Variants in E2F6 observed in about 807,000 individuals in gnomAD.
E2F6 encodes transcription factor E2F6.
A neutral mutation model predicts 31.5 loss-of-function variants in E2F6; 19 were observed. The observed-to-expected ratio is 0.60, with a 90% CI of 0.42 to 0.89. The LOEUF (loss-of-function observed/expected upper bound fraction) is 0.89. Ranked by LOEUF, E2F6 falls within the 40% of genes least tolerant of loss-of-function variation. The pLI, the probability that E2F6 is intolerant of heterozygous loss-of-function variation, is 0.00. For synonymous variants in E2F6, 121 were observed against 127.7 expected, an observed-to-expected ratio of 0.95 and a Z score of 0.36; for missense variants, 269 against 341.6, an observed-to-expected ratio of 0.79 and a Z score of 1.67.
At chr2:11,463,657 A>C (rs967000876) in intron 1 of E2F6, among the ~76,000 whole-genome samples, 1 of 152,114 alleles carries the variant, frequency 6.6e-6, no homozygotes, top group Non-Finnish European at 1.5e-5. Context: ...AACCCTGAAT[A>C]ATACCAACAT....
At chr2:11,455,807 G>A (rs1342546345) in intron 2 of E2F6, among the ~76,000 whole-genome samples, 1 of 152,184 alleles carries the variant, frequency 6.6e-6, no homozygotes, top group Non-Finnish European at 1.5e-5. Context: ...TAAGTGCTAA[G>A]AGAGGTATTC....
Position 11,451,348 on chromosome 2 carries a change from C to T in E2F6, c.536+303G>A, listed in dbSNP as rs938845890. 235 of 105,692 alleles carry T rather than the reference C, an allele frequency of 2.2e-3. 40 individuals are homozygous for T. Among genetic ancestry groups the T allele is most frequent in the Middle Eastern group, 8.8e-3 (2 of 226 alleles). 6.5% of individuals were successfully genotyped at this position (105,692 alleles called of 1,614,324 possible). ...TATACTACTACCAACTTTTACCTAA[C>T]TTTTTTTTTTTTTTTTTTTGAGACG... On this transcript the variant is annotated intron_variant, in intron 4 of 6. Transcript: ENST00000381525.
intron 1 of E2F6, among the ~76,000 whole-genome samples, chr2:11,459,001 T>C (rs1035395566): frequency 6.6e-6 from 1 of 152,034 alleles, no homozygotes; most frequent in Non-Finnish European, 1.5e-5. Flanking sequence ...AGTCAGACAT[T>C]AGACAAGTGT....
intron 6 of E2F6, among the ~76,000 whole-genome samples, chr2:11,446,764 T>C (rs922247977): frequency 1.4e-4 from 21 of 152,204 alleles, no homozygotes; most frequent in Admixed American, 3.3e-4. Context: ...AACCTTCCCT[T>C]ATTAGGGCTT....
intron 2 of E2F6, 72 bp from the exon 3 acceptor site, chr2:11,453,870 T>C: frequency 7.4e-7 from 1 of 1,345,026 alleles, no homozygotes; most frequent in East Asian, 2.5e-5. Flanking sequence ...AAATCATCTG[T>C]TTCCTCTTGA....
At position 11,461,917 on chromosome 2, in the gene E2F6, C is replaced by T. The variant is rs190129549; in HGVS notation, c.108+3855G>A. 5.4e-4 allele frequency among the ~76,000 whole-genome samples: 83 copies of T among 152,308 alleles called. No homozygotes were observed. In the East Asian group the frequency reaches 0.015, roughly 28 times the overall value. Reference sequence around the variant, plus strand: ...TTTTCCCAAAAATATTTGAAAATATCACATATAGCGTCACTAAATTCTTTG... The same window carrying T: ...TTTTCCCAAAAATATTTGAAAATATTACATATAGCGTCACTAAATTCTTTG... On this transcript the variant is annotated intron_variant, in intron 1 of 6. Coordinates refer to ENST00000381525, the MANE Select transcript of E2F6 (RefSeq NM_198256.4).
intron 1 of E2F6, among the ~76,000 whole-genome samples, chr2:11,460,665 T>C (rs1362193888): frequency 6.6e-6 from 1 of 152,184 alleles, no homozygotes; most frequent in African/African-American, 2.4e-5. Flanking sequence ...TTTTGTTGCG[T>C]GAACATCATA....
intron 1 of E2F6, among the ~76,000 whole-genome samples, chr2:11,462,589 C>G (rs1671854605): frequency 6.6e-6 from 1 of 152,114 alleles, no homozygotes; most frequent in Admixed American, 6.5e-5. Context: ...GGAAGCACTA[C>G]TGGAAGCATA....
rs1325945795 is a variant in E2F6 at position 11,444,818 on chromosome 2, C to G, written c.*1659G>C. On this transcript the variant is annotated 3_prime_UTR_variant, in exon 7 of 7. Transcript: ENST00000381525. ...TGCTTTCATCAAGCATGTCCCAAAC[C>G]TAAGTTTTACCCTAGGCTTGCTCCT... is the stretch of plus-strand genomic sequence containing the variant. 6.6e-6 allele frequency: 1 copy of G among 152,282 alleles called. No homozygotes were observed. The highest frequency in any genetic ancestry group is 1.5e-5 in the Non-Finnish European group (1 of 68,104). The allele number at this position is 152,282 out of a possible 1,614,324, so 9.4% of individuals were successfully genotyped here.
intron 4 of E2F6, chr2:11,451,172 A>G (rs781426479): frequency 6.6e-6 from 1 of 152,446 alleles, no homozygotes; most frequent in Non-Finnish European, 1.5e-5. Context: ...TTATCCTTAT[A>G]GTATTCAGAC....
At position 11,451,773 on chromosome 2, in the gene E2F6, G is replaced by T; in HGVS notation, c.414C>A (p.Pro138=). The change falls in exon 4 of 7, where the codon CCC becomes CCA. Residue 138 remains proline (P), a synonymous_variant. Coordinates refer to ENST00000381525, the MANE Select transcript of E2F6 (RefSeq NM_198256.4). ...GTTCCTCCTGTAGCTTCTTTTGTTG[G>T]GGAACTGCTCCAAAATTGCTAAGAT... ...GSDLSNFGAV[P]QQKKLQEELS... 1 of 1,608,762 alleles carries T rather than the reference G, an allele frequency of 6.2e-7. No homozygotes were observed. Among genetic ancestry groups the T allele is most frequent in the Non-Finnish European group, 8.5e-7 (1 of 1,176,902 alleles).
rs903722099 is a variant in E2F6 at position 11,457,288 on chromosome 2, A to G, written c.109-55T>C. 4.6e-6 allele frequency: 5 copies of G among 1,098,734 alleles called. No individual in the cohort carries two copies. In the African/African-American group the frequency reaches 7.8e-5, roughly 17 times the overall value. 68.1% of individuals were successfully genotyped at this position (1,098,734 alleles called of 1,614,324 possible). On this transcript the variant is annotated intron_variant, in intron 1 of 6. Coordinates refer to ENST00000381525, the MANE Select transcript of E2F6 (RefSeq NM_198256.4). ...GTGATTTTAAAACAACAATGCAAAC[A>G]AATAGCATTTTACTCAATAGTATAA... is the stretch of plus-strand genomic sequence containing the variant.
At chr2:11,447,904 C>A in intron 5 of E2F6, 130 bp from the exon 6 acceptor site, 2 of 1,043,802 alleles carry the variant, frequency 1.9e-6, no homozygotes, top group Non-Finnish European at 2.7e-6. Flanking sequence ...CAGCACTGGC[C>A]AATTCCCATG....
At chr2:11,464,286 G>C (rs1288515404) in intron 1 of E2F6, among the ~76,000 whole-genome samples, 1 of 151,886 alleles carries the variant, frequency 6.6e-6, no homozygotes, top group Non-Finnish European at 1.5e-5. Flanking sequence ...AGGCTGAGGC[G>C]GGTGGATCAC....
In E2F6 at chr2:11,455,459, G is replaced by C. The variant is rs1223009740; in HGVS notation, c.164-1661C>G. 4 of 1,298,060 alleles carry C rather than the reference G, an allele frequency of 3.1e-6. No individual in the cohort carries two copies. The African/African-American group carries it at 4.6e-5, about 15-fold the overall frequency. 80.4% of individuals were successfully genotyped at this position (1,298,060 alleles called of 1,614,324 possible). A position where few individuals can be genotyped will look rare whatever the true frequency, so the allele number is the denominator to read the frequency against. ...TTCATAATATAAATGTCTTCTCTCT[G>C]GAGCCCATTCCTACACTTAAGATTA... On this transcript the variant is annotated intron_variant, in intron 2 of 6. Coordinates refer to ENST00000381525, the MANE Select transcript of E2F6 (RefSeq NM_198256.4).
intron 2 of E2F6, chr2:11,456,954 A>T (rs1671444398): frequency 2.1e-6 from 1 of 470,306 alleles, no homozygotes; most frequent in East Asian, 4.1e-5. Flanking sequence ...TTCTGAGAAA[A>T]TAGCCTTAAA....
chr2:11,457,979 T>G (rs1380137085), intron 1 of E2F6, among the ~76,000 whole-genome samples: 2 of 152,244 alleles, frequency 1.3e-5, no homozygotes, highest in African/African-American at 4.8e-5. Context: ...CCATTATCAA[T>G]GCTCACCATT....
chr2:11,459,883 C>CA lies in E2F6; in HGVS notation c.109-2651dup, dbSNP rs70953401. On this transcript the variant is annotated intron_variant, in intron 1 of 6. Coordinates refer to ENST00000381525, the MANE Select transcript of E2F6 (RefSeq NM_198256.4). ...CAGATGACGGTGCGAGACTCCGTCT[C>CA]AAAAAAAAAAAAGATGATAAATAGG... Among the ~76,000 whole-genome samples, 461 of 142,508 alleles carry CA rather than the reference C, an allele frequency of 3.2e-3. 1 individual carries two copies. Among genetic ancestry groups the CA allele is most frequent in the Non-Finnish European group, 4.7e-3 (309 of 65,222 alleles). 93.5% of individuals were successfully genotyped at this position (142,508 alleles called of 152,430 possible).
chr2:11,454,265 T>C (rs541244211), intron 2 of E2F6, among the ~76,000 whole-genome samples: 2 of 152,286 alleles, frequency 1.3e-5, no homozygotes, highest in South Asian at 2.1e-4. Context: ...ATAGTGTAAG[T>C]TGTCTGATGA....
Sources: gnomAD v4.1 joint callset for allele counts (sites outside exome capture counted in the v4.1 genomes callset) on GRCh38, gnomAD v4.1.1 for gene constraint, MANE v1.5 for transcripts, NCBI Gene and HGNC (gene_info 2026-07-23, HGNC 2026-07-21) for gene names.